The following SIAE variants were observed in gnomAD, a reference collection of about 807,000 sequenced individuals.
The protein encoded by SIAE is sialate O-acetylesterase.
SIAE carries 39 observed loss-of-function variants against 52.6 expected under a neutral mutation model. That is an observed-to-expected ratio of 0.74 (90% CI 0.57 to 0.97). The LOEUF (loss-of-function observed/expected upper bound fraction) is 0.97. Among genes scored for constraint, SIAE ranks in the 50% least tolerant of loss-of-function variants. The pLI is 0.00. For missense variants in SIAE, 592 were observed against 662.1 expected, an observed-to-expected ratio of 0.89 and a Z score of 1.16; for synonymous variants, 233 against 241.4, an observed-to-expected ratio of 0.97 and a Z score of 0.32.
intron 3 of SIAE, among the ~76,000 whole-genome samples, chr11:124,657,325 G>GC (rs1943117210): frequency 6.6e-6 from 1 of 152,208 alleles, no homozygotes; most frequent in Non-Finnish European, 1.5e-5. Context: ...TTTTTCAGCA[G>GC]CAAGTACCTG....
rs368108570 is a variant in SIAE at position 124,647,360 on chromosome 11, C to T, written c.966+5G>A. ...TGAACAGAGAAGCCTTTACCCACAT[C>T]GTACCTGGACAAGTCCAAATGGGAA... On this transcript the variant is annotated splice_donor_5th_base_variant and intron_variant, in intron 7 of 9. Transcript: ENST00000263593. 39 of 1,614,078 alleles carry T rather than the reference C, an allele frequency of 2.4e-5. No individual in the cohort carries two copies. The highest frequency in any genetic ancestry group is 4.5e-5 in the East Asian group (2 of 44,900).
rs989177381 is a variant in SIAE, at chr11:124,634,770, A to G, written c.*2181T>C. ...AGAAAATTATTTTGGTAAAGTAAGT[A>G]AGTCAAAAACACAGATTACAAAATA... On this transcript the variant is annotated 3_prime_UTR_variant, in exon 10 of 10. Coordinates refer to ENST00000263593, the MANE Select transcript of SIAE (RefSeq NM_170601.5). 1 of 152,346 alleles carries G rather than the reference A, an allele frequency of 6.6e-6. No homozygotes were observed. The highest frequency in any genetic ancestry group is 2.4e-5 in the African/African-American group (1 of 41,572). 9.4% of individuals were successfully genotyped at this position (152,346 alleles called of 1,614,324 possible). A position where few individuals can be genotyped will look rare whatever the true frequency, so the allele number is the denominator to read the frequency against.
chr11:124,672,980 G>A (rs1451891094), intron 1 of SIAE, among the ~76,000 whole-genome samples: 1 of 152,130 alleles, frequency 6.6e-6, no homozygotes, highest in Admixed American at 6.5e-5. Flanking sequence ...GTGACCCAGT[G>A]TCCAGCCTAG....
intron 5 of SIAE, among the ~76,000 whole-genome samples, chr11:124,648,741 CGT>C (rs5795427): frequency 0.12 from 17,528 of 152,032 alleles, 3,068 homozygotes; most frequent in African/African-American, 0.38. Flanking sequence ...GTAGCTGCTG[CGT>C]GTGAGAAGCC....
Position 124,673,654 on chromosome 11 carries a change from C to G in SIAE, c.55G>C (p.Asp19His), listed in dbSNP as rs1388638503. 6 of 1,613,460 alleles carry G rather than the reference C, an allele frequency of 3.7e-6. No homozygotes were observed. The highest frequency in any genetic ancestry group is 5.1e-6 in the Non-Finnish European group (6 of 1,179,808). Residue 19 changes from aspartate (D) to histidine (H), a missense_variant, in exon 1 of 10, where the codon GAC becomes CAC. Physicochemically the swap from Asp to His is moderately conservative, Grantham distance 81. Transcript: ENST00000263593. The part of the protein sequence containing the change: ...GLVLPLILWA[D>H]RSAGIGFRFA... ...CGGGCCGCCTCACCTGCACTTCTGT[C>G]GGCCCACAGGATTAATGGCAGCACC...
At chr11:124,638,183 C>T (rs1310964657) in intron 9 of SIAE, among the ~76,000 whole-genome samples, 1 of 152,164 alleles carries the variant, frequency 6.6e-6, no homozygotes, top group Non-Finnish European at 1.5e-5. Flanking sequence ...AAAATACACC[C>T]AAGGATGGGG....
At chr11:124,660,088 G>A (rs1943163871) in intron 3 of SIAE, 1 of 170,378 alleles carries the variant, frequency 5.9e-6, no homozygotes, top group Non-Finnish European at 1.3e-5. Context: ...TCAGGAGTTC[G>A]AGACAAACCT....
upstream of SIAE, chr11:124,675,373 G>C (rs750949149): frequency 1.9e-6 from 3 of 1,614,126 alleles, no homozygotes; most frequent in Non-Finnish European, 2.5e-6. Flanking sequence ...CAATATACCA[G>C]CTTTTGCAGC....
chr11:124,638,366 A>C (rs185669686), intron 9 of SIAE, among the ~76,000 whole-genome samples, 176 bp downstream of exon 9: 1 of 152,218 alleles, frequency 6.6e-6, no homozygotes, highest in Non-Finnish European at 1.5e-5. Context: ...CTGTCTGTCA[A>C]AAGTGCCTCC....
chr11:124,637,258 C>T, intron 9 of SIAE, 56 bp from the exon 10 acceptor site: 1 of 1,609,660 alleles, frequency 6.2e-7, no homozygotes, highest in Non-Finnish European at 8.5e-7. Context: ...TTCCAAGAAA[C>T]TGGGCACTGC....
chr11:124,666,825 C>A (rs541542373), intron 2 of SIAE, among the ~76,000 whole-genome samples: 5 of 152,328 alleles, frequency 3.3e-5, no homozygotes, highest in African/African-American at 1.2e-4. Flanking sequence ...TAAGCCCTCA[C>A]TTGGCTTTTA....
chr11:124,672,877 CTT>C (rs893894204), intron 1 of SIAE, among the ~76,000 whole-genome samples: 2 of 152,316 alleles, frequency 1.3e-5, no homozygotes, highest in African/African-American at 2.4e-5. Context: ...GGGGTCCACT[CTT>C]TGAGTGTTTT....
chr11:124,638,164 G>T (rs1391453949), intron 9 of SIAE, among the ~76,000 whole-genome samples: 2 of 152,234 alleles, frequency 1.3e-5, no homozygotes, highest in Non-Finnish European at 2.9e-5. Context: ...ATTTAGGAGA[G>T]TGTAACAAAA....
intron 7 of SIAE, among the ~76,000 whole-genome samples, chr11:124,643,278 G>C (rs1942877510): frequency 6.6e-6 from 1 of 152,202 alleles, no homozygotes; most frequent in East Asian, 1.9e-4. Context: ...GCAAGGCAGA[G>C]AGAATTAGAA....
rs1591385730 is a variant in SIAE, at chr11:124,645,075, C to A, written c.966+2290G>T. Among the ~76,000 whole-genome samples, 1 of 152,158 alleles carries A rather than the reference C, an allele frequency of 6.6e-6. No individual in the cohort carries two copies. Among genetic ancestry groups the A allele is most frequent in the Admixed American group, 6.6e-5 (1 of 15,260 alleles). ...GAGTTCAGTATCGTGTTCGAAATCACGTGGCTCAGGAGGTGTCACAGCTAG... is the reference window on the plus strand; with the variant it reads ...GAGTTCAGTATCGTGTTCGAAATCAAGTGGCTCAGGAGGTGTCACAGCTAG... On this transcript the variant is annotated intron_variant, in intron 7 of 9. Coordinates refer to ENST00000263593, the MANE Select transcript of SIAE (RefSeq NM_170601.5). This position sits in a 1 kb window ranked among gnomAD's most constrained non-coding sequence, Gnocchi z 4.7.
At chr11:124,643,393 A>G (rs1363848021) in intron 7 of SIAE, among the ~76,000 whole-genome samples, 1 of 152,170 alleles carries the variant, frequency 6.6e-6, no homozygotes, top group African/African-American at 2.4e-5. Context: ...TTACACTTCA[A>G]AGAGTCACTT....
chr11:124,660,886 C>T lies in SIAE; in HGVS notation c.230-83G>A. 2.0e-6 allele frequency: 3 copies of T among 1,505,890 alleles called. No homozygotes were observed. In the Admixed American group the frequency reaches 5.0e-5, roughly 25 times the overall value. The allele number at this position is 1,505,890 out of a possible 1,614,324, so 93.3% of individuals were successfully genotyped here. ...CCAATTATACTCATTTGTGGCTATT[C>T]CCAGCCTCTGTAATAAACCGAATTC... On this transcript the variant is annotated intron_variant, in intron 2 of 9. Coordinates refer to ENST00000263593, the MANE Select transcript of SIAE (RefSeq NM_170601.5).
At chr11:124,655,785 T>C (rs1277029014) in intron 3 of SIAE, among the ~76,000 whole-genome samples, 1 of 152,196 alleles carries the variant, frequency 6.6e-6, no homozygotes, top group Non-Finnish European at 1.5e-5. Context: ...GCATATTTGT[T>C]TATAGCCTAC....
Position 124,649,813 on chromosome 11 carries a change from T to C in SIAE, c.545-17A>G. On this transcript the variant is annotated splice_polypyrimidine_tract_variant and intron_variant, in intron 4 of 9. Transcript: ENST00000263593. ...CTAAGTTTTCTGTTCAGAGAAATGG[T>C]TAAAGAAAAAGAGCCAGAGAAAGGT... The C allele has an allele frequency of 6.2e-7, 1 of 1,613,852 alleles. No homozygotes were observed. The highest frequency in any genetic ancestry group is 8.5e-7 in the Non-Finnish European group (1 of 1,179,904).
Sources: gnomAD v4.1 joint callset for allele counts (sites outside exome capture counted in the v4.1 genomes callset) on GRCh38, gnomAD v4.1.1 for gene constraint, Gnocchi (gnomAD v3.1) non-coding constraint, MANE v1.5 for transcripts, NCBI Gene and HGNC (gene_info 2026-07-23, HGNC 2026-07-21) for gene names.